CRTAC1: variants seen among roughly 807,000 people sequenced by gnomAD.
CRTAC1 encodes the protein acidic secreted protein in cartilage.
Under a neutral mutation model 67.8 loss-of-function variants are expected in CRTAC1, and 37 were observed. The observed-to-expected ratio is 0.55, with a 90% confidence interval of 0.42 to 0.72. The LOEUF is 0.72. Among genes scored for constraint, CRTAC1 ranks in the 30% least tolerant of loss-of-function variants. The probability of loss-of-function intolerance (pLI) is 0.00; values close to 1 mark genes in which losing one functional copy is unlikely to be tolerated. For missense variants in CRTAC1, 780 were observed against 931.6 expected (o/e 0.84, Z 2.12); for synonymous variants, 348 against 371.0 (o/e 0.94, Z 0.71).
At chr10:98,013,730 C>T (rs1257932816) in intron 1 of CRTAC1, among the ~76,000 whole-genome samples, 1 of 152,178 alleles carries the variant, frequency 6.6e-6, no homozygotes. Context: ...TCCTAAGCTG[C>T]TTCTATAAAC....
At chr10:97,907,550 G>A (rs1185124928) in intron 6 of CRTAC1, among the ~76,000 whole-genome samples, 1 of 85,094 alleles carries the variant, frequency 1.2e-5, no homozygotes, top group Non-Finnish European at 3.1e-5. Context: ...TGCCTTTTCT[G>A]TGTGTAGGGT....
intron 2 of CRTAC1, among the ~76,000 whole-genome samples, chr10:97,966,672 C>T (rs1401814215): frequency 3.9e-5 from 6 of 152,190 alleles, no homozygotes; most frequent in East Asian, 3.8e-4. Context: ...TAGGATACCA[C>T]GTTACATTTA....
At chr10:97,938,062 TGGGCACCTTC>T (rs1274547493) in intron 2 of CRTAC1, among the ~76,000 whole-genome samples, 1 of 152,238 alleles carries the variant, frequency 6.6e-6, no homozygotes, top group Non-Finnish European at 1.5e-5. Context: ...AGCAGCTGGC[TGGGCACCTTC>T]GGGCACCCAT....
At chr10:97,897,727 C>T (rs568659886) in intron 8 of CRTAC1, among the ~76,000 whole-genome samples, 1 of 152,346 alleles carries the variant, frequency 6.6e-6, no homozygotes, top group African/African-American at 2.4e-5. Flanking sequence ...TGCTCTTTCT[C>T]TGCACTCAGC....
Position 97,923,345 on chromosome 10 carries a change from G to A in CRTAC1, c.477C>T (p.Asp159=). The A allele has an allele frequency of 6.2e-7, 1 of 1,614,146 alleles. No homozygotes were observed. The highest frequency in any genetic ancestry group is 1.1e-5 in the South Asian group (1 of 91,076). ...CCACGTTGACCTCATCGCTCAGGATGTCTTCCCACCGGTTATTGCGGAACT... is the reference window on the plus strand; with the variant it reads ...CCACGTTGACCTCATCGCTCAGGATATCTTCCCACCGGTTATTGCGGAACT... ...LFKFRNNRWE[D]ILSDEVNVAR... is the part of the protein sequence containing the mutation. The change falls in exon 4 of 15, where the codon GAC becomes GAT. Residue 159 remains aspartate (D), a synonymous_variant. Transcript: ENST00000370597.
rs573017872 is a variant in CRTAC1 at position 97,913,596 on chromosome 10, C to T, written c.715+3904G>A. On this transcript the variant is annotated intron_variant, in intron 5 of 14. Transcript: ENST00000370597. Reference sequence around the variant, plus strand: ...ATATCTGTGTTTGTTTTAAAAGAAACGCAATGTTCCCCCCGATACTCATCA... The same window carrying T: ...ATATCTGTGTTTGTTTTAAAAGAAATGCAATGTTCCCCCCGATACTCATCA... Among the ~76,000 whole-genome samples, 18 of 152,260 alleles carry T rather than the reference C, an allele frequency of 1.2e-4. No homozygotes were observed. In the South Asian group the frequency reaches 2.1e-3, roughly 18 times the overall value.
intron 2 of CRTAC1, among the ~76,000 whole-genome samples, chr10:97,986,263 C>T (rs1046904279): frequency 6.6e-6 from 1 of 152,200 alleles, no homozygotes; most frequent in Non-Finnish European, 1.5e-5. Context: ...TGCAAGCACT[C>T]TCAGGGGGTC....
At chr10:97,873,450 G>C (rs1190687499) in intron 14 of CRTAC1, among the ~76,000 whole-genome samples, 1 of 152,170 alleles carries the variant, frequency 6.6e-6, no homozygotes, top group East Asian at 1.9e-4. Context: ...CTTGAGTCTG[G>C]GGATCTGAAC....
At chr10:98,002,181 A>G (rs186408138) in intron 2 of CRTAC1, among the ~76,000 whole-genome samples, 1 of 152,348 alleles carries the variant, frequency 6.6e-6, no homozygotes, top group African/African-American at 2.4e-5. Flanking sequence ...GAGACAGGGC[A>G]TACGTCTACT....
At chr10:97,867,773 G>A (rs560100391) in intron 14 of CRTAC1, 18 of 151,176 alleles carry the variant, frequency 1.2e-4, no homozygotes, top group East Asian at 2.0e-4. Flanking sequence ...TCTCTGCCCC[G>A]TGACGATGGA....
At chr10:97,942,849 T>C (rs2051197194) in intron 2 of CRTAC1, among the ~76,000 whole-genome samples, 2 of 151,976 alleles carry the variant, frequency 1.3e-5, no homozygotes, top group African/African-American at 4.8e-5. Flanking sequence ...GGAGGATCCC[T>C]TGAGCCCAGG....
At chr10:97,896,796 G>A in intron 9 of CRTAC1, 113 bp downstream of exon 9, 2 of 653,612 alleles carry the variant, frequency 3.1e-6, no homozygotes, top group Non-Finnish European at 5.0e-6. Context: ...AGTGTGGCAG[G>A]GACAGGAGTG....
chr10:97,957,498 G>T (rs1367765405), intron 2 of CRTAC1, among the ~76,000 whole-genome samples: 1 of 152,116 alleles, frequency 6.6e-6, no homozygotes, highest in Non-Finnish European at 1.5e-5. Context: ...GGACCATTAT[G>T]ATCTCCATTT....
chr10:97,876,984 AG>A lies in CRTAC1; in HGVS notation c.1819+3264del, dbSNP rs1383111601. Among the ~76,000 whole-genome samples the A allele has an allele frequency of 3.1e-5, 3 of 95,538 alleles. No homozygotes were observed. In the Admixed American group the frequency reaches 5.1e-4, roughly 16 times the overall value. 62.7% of individuals were successfully genotyped at this position (95,538 alleles called of 152,430 possible). A position where few individuals can be genotyped will look rare whatever the true frequency, so the allele number is the denominator to read the frequency against. On this transcript the variant is annotated intron_variant, in intron 14 of 14. Transcript: ENST00000370597. Reference sequence around the variant, plus strand: ...TTTTTTTTTTTTTTGGTAAGGGGGTAGGTAATGTTGAGTGGGTTCACTATCC... The same window carrying A: ...TTTTTTTTTTTTTTGGTAAGGGGGTAGTAATGTTGAGTGGGTTCACTATCC...
chr10:97,936,437 A>C, intron 2 of CRTAC1, 71 bp from the exon 3 acceptor site: 1 of 1,333,328 alleles, frequency 7.5e-7, no homozygotes, highest in Non-Finnish European at 1.0e-6. Context: ...CAACCAGAGC[A>C]ACGGGCTGGG....
At chr10:97,913,078 G>A (rs2050710453) in intron 5 of CRTAC1, among the ~76,000 whole-genome samples, 1 of 152,082 alleles carries the variant, frequency 6.6e-6, no homozygotes, top group South Asian at 2.1e-4. Context: ...AAATGAGTAG[G>A]GCAGAAATGC....
intron 5 of CRTAC1, 84 bp from the exon 6 acceptor site, chr10:97,908,231 G>C (rs571012344): frequency 6.8e-7 from 1 of 1,464,516 alleles, no homozygotes; most frequent in Non-Finnish European, 9.4e-7. Context: ...GAGGCCTGAG[G>C]GGAACTGCAG....
intron 2 of CRTAC1, among the ~76,000 whole-genome samples, chr10:97,977,674 T>G (rs2051829378): frequency 6.6e-6 from 1 of 152,174 alleles, no homozygotes. Flanking sequence ...AAGATCTGGT[T>G]AGCAAGGAAT....
chr10:97,971,432 A>G (rs184995928), intron 2 of CRTAC1, among the ~76,000 whole-genome samples: 2 of 152,364 alleles, frequency 1.3e-5, no homozygotes, highest in East Asian at 1.9e-4. Context: ...GATTCCACTT[A>G]TAAGAAGTAG....
Sources: gnomAD v4.1 joint callset for allele counts (sites outside exome capture counted in the v4.1 genomes callset) on GRCh38, gnomAD v4.1.1 for gene constraint, MANE v1.5 for transcripts, NCBI Gene and HGNC (gene_info 2026-07-23, HGNC 2026-07-21) for gene names.